KCNN1: variants seen among roughly 807,000 people sequenced by gnomAD.
The protein encoded by KCNN1 is potassium calcium-activated channel subfamily N member 1.
KCNN1 carries 20 observed loss-of-function variants against 44.7 expected under a neutral mutation model. The ratio of observed to expected loss-of-function variants is 0.45; its 90% confidence interval spans 0.32 to 0.65. KCNN1 has a LOEUF of 0.65. KCNN1 is among the 30% of genes least tolerant of loss of function. The pLI, the probability that KCNN1 is intolerant of heterozygous loss-of-function variation, is 0.05. For synonymous variants in KCNN1, 324 were observed against 341.7 expected (o/e 0.95, Z 0.57); for missense variants, 632 against 785.3 (o/e 0.80, Z 2.33).
rs114409099 is a variant in KCNN1, at chr19:17,980,631, G to A, written c.499-1078G>A. Among the ~76,000 whole-genome samples the A allele has an allele frequency of 7.5e-3, 1,141 of 152,196 alleles. 19 individuals carry two copies. The highest frequency in any genetic ancestry group is 0.024 in the African/African-American group (1,005 of 41,518). On this transcript the variant is annotated intron_variant, in intron 3 of 9. Transcript: ENST00000684775. ...TCTTGGAAAAATTTGAAGCTGGTGC[G>A]GTTGCTCACACCTGTGATTCCAGCA...
At position 17,988,359 on chromosome 19, in the gene KCNN1, A is replaced by G. The variant is rs536884210; in HGVS notation, c.1060-56A>G. On this transcript the variant is annotated intron_variant, in intron 5 of 9. Coordinates refer to ENST00000684775, the MANE Select transcript of KCNN1 (RefSeq NM_001386974.1). ...GCTGCAATCTGGGCAGGCTTCCTGG[A>G]GGAGGGAGTGACCTCAAGACAGGAC... 4.3e-5 allele frequency: 62 copies of G among 1,433,956 alleles called. No individual in the cohort carries two copies. The South Asian group carries it at 7.3e-4, about 17-fold the overall frequency. The allele number at this position is 1,433,956 out of a possible 1,614,324, so 88.8% of individuals were successfully genotyped here.
chr19:17,960,362 G>A (rs2031648688), intron 2 of KCNN1, among the ~76,000 whole-genome samples: 1 of 152,102 alleles, frequency 6.6e-6, no homozygotes, highest in Non-Finnish European at 1.5e-5. Flanking sequence ...AGGCGGGGTG[G>A]CTCACGGCTG....
Position 17,998,571 on chromosome 19 carries a change from TG to T in KCNN1, c.*167del. 1.4e-6 allele frequency: 1 copy of T among 711,828 alleles called. No homozygotes were observed. Among genetic ancestry groups the T allele is most frequent in the Non-Finnish European group, 2.2e-6 (1 of 464,234 alleles). The allele number at this position is 711,828 out of a possible 1,614,324, so 44.1% of individuals were successfully genotyped here. Reference sequence around the variant, plus strand: ...AGACTGCCCAGGCAGAGGGCAGGGCTGGACCATGGGTGAGGGCAGGGGAGCC... The same window carrying T: ...AGACTGCCCAGGCAGAGGGCAGGGCTGACCATGGGTGAGGGCAGGGGAGCC... On this transcript the variant is annotated 3_prime_UTR_variant, in exon 10 of 10. Transcript: ENST00000684775. This position sits in a 1 kb window ranked among gnomAD's most constrained non-coding sequence, Gnocchi z 5.4.
At position 17,967,172 on chromosome 19, in the gene KCNN1, C is replaced by T. The variant is rs1257143931; in HGVS notation, c.-227C>T. On this transcript the variant is annotated 5_prime_UTR_variant, in exon 1 of 10. Coordinates refer to ENST00000684775, the MANE Select transcript of KCNN1 (RefSeq NM_001386974.1). ...GGGATGCGCCTGCCGCCGCCGCCCC[C>T]GGCCCCGCCGCCCCCGGGCCCCGCG... 4.2e-6 allele frequency: 4 copies of T among 945,548 alleles called. No homozygotes were observed. The highest frequency in any genetic ancestry group is 1.2e-4 in the East Asian group (1 of 8,522). 58.6% of individuals were successfully genotyped at this position (945,548 alleles called of 1,614,324 possible). A position where few individuals can be genotyped will look rare whatever the true frequency, so the allele number is the denominator to read the frequency against.
rs1187364074 is a variant in KCNN1, at chr19:17,988,857, G to A, written c.1170+332G>A. On this transcript the variant is annotated intron_variant, in intron 6 of 9. Transcript: ENST00000684775. ...GCCTGGGAAGCAGAGGCTGCAATAA[G>A]CCAAGATGGCACCACTGCACTCGAA... Among the ~76,000 whole-genome samples, 3 of 151,152 alleles carry A rather than the reference G, an allele frequency of 2.0e-5. No homozygotes were observed. In the Admixed American group the frequency reaches 2.0e-4, roughly 10 times the overall value.
At chr19:17,952,673 C>T (rs186073066) in intron 1 of KCNN1, among the ~76,000 whole-genome samples, 132 of 152,256 alleles carry the variant, frequency 8.7e-4, no homozygotes, top group African/African-American at 3.1e-3. Flanking sequence ...CGCTGGTTCC[C>T]GTTGCCCCCT....
chr19:17,952,779 C>A (rs1457212095), intron 1 of KCNN1, among the ~76,000 whole-genome samples: 1 of 152,156 alleles, frequency 6.6e-6, no homozygotes, highest in African/African-American at 2.4e-5. Context: ...GGGAACCCCC[C>A]ACCTGCCAGC....
chr19:17,989,653 C>T, intron 6 of KCNN1, 63 bp from the exon 7 acceptor site: 1 of 1,608,570 alleles, frequency 6.2e-7, no homozygotes, highest in Non-Finnish European at 8.5e-7. Flanking sequence ...AGATTCTAGA[C>T]ATTTCTGGAG....
At chr19:17,984,015 T>C (rs1051025281) in intron 4 of KCNN1, among the ~76,000 whole-genome samples, 2 of 150,988 alleles carry the variant, frequency 1.3e-5, no homozygotes, top group African/African-American at 4.9e-5. Flanking sequence ...AAAAAAAAAT[T>C]AGATGGGCAT....
In KCNN1 at chr19:17,998,514, T is replaced by C. The variant is rs1346602907; in HGVS notation, c.*108T>C. ...TGGAGTTCAAGAAGCCAACGCTGAG[T>C]CAGGCTGAGTGGACTGAGGCCTGCC... On this transcript the variant is annotated 3_prime_UTR_variant, in exon 10 of 10. Transcript: ENST00000684775. This position sits in a 1 kb window ranked among gnomAD's most constrained non-coding sequence, Gnocchi z 5.4. 6 of 1,147,754 alleles carry C rather than the reference T, an allele frequency of 5.2e-6. No individual in the cohort carries two copies. The Admixed American group carries it at 1.2e-4, about 23-fold the overall frequency. 71.1% of individuals were successfully genotyped at this position (1,147,754 alleles called of 1,614,324 possible). A position where few individuals can be genotyped will look rare whatever the true frequency, so the allele number is the denominator to read the frequency against.
At chr19:17,994,605 G>A (rs1228999010) in intron 9 of KCNN1, among the ~76,000 whole-genome samples, 5 of 151,654 alleles carry the variant, frequency 3.3e-5, no homozygotes, top group African/African-American at 7.3e-5. Flanking sequence ...GTGCAGTGGC[G>A]TGATCTCAGC....
chr19:17,985,857 A>G (rs2032576874), intron 5 of KCNN1, among the ~76,000 whole-genome samples: 1 of 152,228 alleles, frequency 6.6e-6, no homozygotes, highest in Non-Finnish European at 1.5e-5. Context: ...GACCAGCGCT[A>G]CTTCCTCTGC....
intron 9 of KCNN1, among the ~76,000 whole-genome samples, chr19:17,995,393 C>G (rs1016522881): frequency 6.6e-6 from 1 of 151,776 alleles, no homozygotes; most frequent in Non-Finnish European, 1.5e-5. Context: ...AGGCTGGTCT[C>G]AAACTCCTGA....
chr19:17,968,082 A>C (rs1000496018), intron 1 of KCNN1, among the ~76,000 whole-genome samples: 1 of 3,506 alleles, frequency 2.9e-4, no homozygotes, highest in Non-Finnish European at 5.3e-4. Flanking sequence ...GGGGAGGGGA[A>C]GGGAGGGGTG....
Position 17,975,693 on chromosome 19 carries a change from T to C in KCNN1, c.498+506T>C, listed in dbSNP as rs1418501011. On this transcript the variant is annotated intron_variant, in intron 3 of 9. Coordinates refer to ENST00000684775, the MANE Select transcript of KCNN1 (RefSeq NM_001386974.1). ...GTCTCAGCCTCCCAAAGTGCTAGGA[T>C]TACAGGTGTCAGCCACTGCTCCTGG... Among the ~76,000 whole-genome samples the C allele has an allele frequency of 3.3e-5, 5 of 151,980 alleles. No individual in the cohort carries two copies. The South Asian group carries it at 1.0e-3, about 32-fold the overall frequency.
intron 5 of KCNN1, among the ~76,000 whole-genome samples, chr19:17,987,082 C>CA (rs2032624585): frequency 6.6e-6 from 1 of 151,620 alleles, no homozygotes; most frequent in Non-Finnish European, 1.5e-5. Flanking sequence ...GCTGGGATTA[C>CA]AGGCATGACG....
At chr19:17,987,469 G>A (rs2032639178) in intron 5 of KCNN1, among the ~76,000 whole-genome samples, 1 of 152,130 alleles carries the variant, frequency 6.6e-6, no homozygotes, top group African/African-American at 2.4e-5. Flanking sequence ...TCTGTGTGGT[G>A]CATCATGCTG....
At position 17,993,562 on chromosome 19, in the gene KCNN1, G is replaced by A; in HGVS notation, c.1377+3G>A. On this transcript the variant is annotated splice_donor_region_variant and intron_variant, in intron 9 of 9. Coordinates refer to ENST00000684775, the MANE Select transcript of KCNN1 (RefSeq NM_001386974.1). This position sits in a 1 kb window ranked among gnomAD's most constrained non-coding sequence, Gnocchi z 4.5. ...ACACGCTTACCGACCTAGCCAAGGT[G>A]AGTGGGTTGGGGCAGGGTGGGCCAG... The A allele has an allele frequency of 6.2e-7, 1 of 1,613,598 alleles. No homozygotes were observed. The highest frequency in any genetic ancestry group is 8.5e-7 in the Non-Finnish European group (1 of 1,179,614).
In KCNN1 at chr19:17,974,273, T is replaced by TG; in HGVS notation, c.391dup (p.Val131GlyfsTer45). On this transcript the variant is annotated frameshift_variant, in exon 2 of 10. Coordinates refer to ENST00000684775, the MANE Select transcript of KCNN1 (RefSeq NM_001386974.1). The surrounding 1 kb of genome is among the most constrained non-coding windows in gnomAD (Gnocchi z 7.3). The stretch of plus-strand genomic sequence containing the variant: ...CATGGTGACGGAGACCGAGCTGTCC[T>TG]GGGGGGTGTACACCAAGGTAGGCGT... 6.3e-7 allele frequency: 1 copy of TG among 1,580,244 alleles called. No homozygotes were observed.
Sources: gnomAD v4.1 joint callset for allele counts (sites outside exome capture counted in the v4.1 genomes callset) on GRCh38, gnomAD v4.1.1 for gene constraint, Gnocchi (gnomAD v3.1) non-coding constraint, MANE v1.5 for transcripts, NCBI Gene and HGNC (gene_info 2026-07-23, HGNC 2026-07-21) for gene names.